TAX1BP1: variants seen among roughly 807,000 people sequenced by gnomAD.
TAX1BP1 encodes the protein Tax1 binding protein 1.
Under a neutral mutation model 97.7 loss-of-function variants are expected in TAX1BP1, and 62 were observed. The observed-to-expected ratio is 0.63, with a 90% CI of 0.52 to 0.78. TAX1BP1 has a LOEUF of 0.78. Among genes scored for constraint, TAX1BP1 ranks in the 30% least tolerant of loss-of-function variants. The pLI, the probability that TAX1BP1 is intolerant of heterozygous loss-of-function variation, is 0.00. For missense variants in TAX1BP1, 867 were observed against 916.1 expected (o/e 0.95, Z 0.69); for synonymous variants, 340 against 304.2 (o/e 1.12, Z -1.23).
At chr7:27,766,489 ATAAATT>A in intron 4 of TAX1BP1, among the ~76,000 whole-genome samples, 1 of 148,144 alleles carries the variant, frequency 6.8e-6, no homozygotes, top group Non-Finnish European at 1.5e-5. Flanking sequence ...AACTAAAATA[ATAAATT>A]TAGAGTGTCT....
intron 6 of TAX1BP1, 24 bp downstream of exon 6, chr7:27,785,335 T>C: frequency 6.3e-7 from 1 of 1,587,770 alleles, no homozygotes; most frequent in Non-Finnish European, 8.5e-7. Flanking sequence ...TTTTAAAAAA[T>C]AAATTCAATA....
chr7:27,828,812 G>C lies in TAX1BP1; in HGVS notation c.2353G>C (p.Val785Leu). 1 of 1,515,764 alleles carries C rather than the reference G, an allele frequency of 6.6e-7. No homozygotes were observed. The highest frequency in any genetic ancestry group is 8.9e-7 in the Non-Finnish European group (1 of 1,120,374). 93.9% of individuals were successfully genotyped at this position (1,515,764 alleles called of 1,614,324 possible). A position where few individuals can be genotyped will look rare whatever the true frequency, so the allele number is the denominator to read the frequency against. Residue 785 changes from valine to leucine, a missense_variant, in exon 17 of 17, where the codon GTT becomes CTT. This residue lies in a region of TAX1BP1 where 34 missense variants were observed against 33.2 expected (regional missense o/e 1.02). Coordinates refer to ENST00000396319, the MANE Select transcript of TAX1BP1 (RefSeq NM_006024.7). ...RHVQTHFDQN[V>L]LNFD ...TGTGCAGACCCATTTTGATCAGAATGTTCTAAATTTTGACTAGTTACTTTT... is the reference window on the plus strand; with the variant it reads ...TGTGCAGACCCATTTTGATCAGAATCTTCTAAATTTTGACTAGTTACTTTT...
In TAX1BP1 at chr7:27,787,562, G is replaced by C; in HGVS notation, c.997G>C (p.Glu333Gln). The C allele has an allele frequency of 6.2e-7, 1 of 1,612,422 alleles. No homozygotes were observed. The highest frequency in any genetic ancestry group is 8.5e-7 in the Non-Finnish European group (1 of 1,179,234). ...GRLQLCLAEKENLQRTFLLTT... is the reference protein window; with the variant it reads ...GRLQLCLAEKQNLQRTFLLTT... The stretch of plus-strand genomic sequence containing the variant: ...GCTGCAGTTATGTTTGGCTGAAAAG[G>C]AAAATCTGCAAAGAACTTTCCTGCT... Residue 333 changes from glutamate (E) to glutamine (Q), a missense_variant, in exon 8 of 17, where the codon GAA (glutamate) becomes CAA (glutamine). Around this residue, in one of 3 missense-constraint regions of TAX1BP1, gnomAD observed 822 missense variants for 851.4 expected, o/e 0.97. Coordinates refer to ENST00000396319, the MANE Select transcript of TAX1BP1 (RefSeq NM_006024.7).
At chr7:27,802,059 G>T (rs546801175) in intron 13 of TAX1BP1, among the ~76,000 whole-genome samples, 1 of 152,300 alleles carries the variant, frequency 6.6e-6, no homozygotes, top group Non-Finnish European at 1.5e-5. Flanking sequence ...TTGGAGTTCA[G>T]AAGTGGAGCG....
chr7:27,787,649 A>G (rs1271145278), intron 8 of TAX1BP1, 46 bp downstream of exon 8: 1 of 1,465,662 alleles, frequency 6.8e-7, no homozygotes, highest in Non-Finnish European at 9.2e-7. Flanking sequence ...AAACATACCT[A>G]TGAAATGTAT....
chr7:27,827,664 T>C, intron 15 of TAX1BP1, 74 bp from the exon 16 acceptor site: 1 of 1,199,588 alleles, frequency 8.3e-7, no homozygotes, highest in Non-Finnish European at 1.2e-6. Flanking sequence ...ACTGTCAGTA[T>C]GTGCTTGATT....
rs1373286454 is a variant in TAX1BP1 at position 27,817,046 on chromosome 7, G to T, written c.2085+8G>T. The T allele has an allele frequency of 6.2e-6, 10 of 1,602,184 alleles. No individual in the cohort carries two copies. Among genetic ancestry groups the T allele is most frequent in the Non-Finnish European group, 7.6e-6 (9 of 1,176,872 alleles). ...GACTCTGAGGATAGCAAAGTAAATT[G>T]AATTTTCATTGTGTGAGCCTGTCCC... On this transcript the variant is annotated splice_region_variant and intron_variant, in intron 15 of 16. Transcript: ENST00000396319.
intron 15 of TAX1BP1, among the ~76,000 whole-genome samples, chr7:27,821,859 A>G (rs1341451999): frequency 6.6e-6 from 1 of 152,106 alleles, no homozygotes; most frequent in Non-Finnish European, 1.5e-5. Context: ...AGCCCAGGAA[A>G]CCCTCAGTCC....
chr7:27,777,827 G>T (rs1018807409), intron 5 of TAX1BP1, among the ~76,000 whole-genome samples: 1 of 152,192 alleles, frequency 6.6e-6, no homozygotes, highest in Non-Finnish European at 1.5e-5. Flanking sequence ...GACCTCTGTT[G>T]TTTCTTTTCT....
chr7:27,791,877 CTG>C (rs1352780353), intron 8 of TAX1BP1, 127 bp from the exon 9 acceptor site: 14 of 775,680 alleles, frequency 1.8e-5, no homozygotes, highest in Non-Finnish European at 2.7e-5. Context: ...GGCATATACT[CTG>C]TAAGTCATGA....
At chr7:27,784,823 TA>T (rs1027182849) in intron 5 of TAX1BP1, among the ~76,000 whole-genome samples, 6 of 149,314 alleles carry the variant, frequency 4.0e-5, no homozygotes, top group South Asian at 2.1e-4. Context: ...CTGTCTCTAT[TA>T]AAAAAAAAAT....
intron 7 of TAX1BP1, among the ~76,000 whole-genome samples, 200 bp downstream of exon 7, chr7:27,785,689 A>G (rs1789453398): frequency 6.6e-6 from 1 of 152,122 alleles, no homozygotes; most frequent in Admixed American, 6.6e-5. Flanking sequence ...TGCTTTCAAG[A>G]TGGCTTACTC....
chr7:27,780,116 A>C (rs1789195745), intron 5 of TAX1BP1, among the ~76,000 whole-genome samples: 1 of 152,208 alleles, frequency 6.6e-6, no homozygotes, highest in Non-Finnish European at 1.5e-5. Context: ...ACAACACACA[A>C]CACCAATATA....
At chr7:27,752,715 A>G (rs1788064492) in intron 2 of TAX1BP1, among the ~76,000 whole-genome samples, 1 of 152,200 alleles carries the variant, frequency 6.6e-6, no homozygotes, top group South Asian at 2.1e-4. Context: ...TAAACATTTA[A>G]CATGTTGGGA....
At chr7:27,775,878 T>C (rs572304841) in intron 5 of TAX1BP1, among the ~76,000 whole-genome samples, 1 of 152,256 alleles carries the variant, frequency 6.6e-6, no homozygotes, top group East Asian at 1.9e-4. Flanking sequence ...CCTATTTTGT[T>C]CTTGCTTTTC....
intron 13 of TAX1BP1, 117 bp from the exon 14 acceptor site, chr7:27,816,232 C>A: frequency 1.2e-6 from 1 of 852,226 alleles, no homozygotes; most frequent in Non-Finnish European, 1.7e-6. Context: ...CAATTGCATT[C>A]CAACTTCATA....
chr7:27,828,161 C>G (rs1791256290), intron 16 of TAX1BP1, among the ~76,000 whole-genome samples: 1 of 152,108 alleles, frequency 6.6e-6, no homozygotes, highest in Admixed American at 6.5e-5. Flanking sequence ...GTTAAAAATA[C>G]AGTATTTTTG....
chr7:27,801,289 A>G (rs1020872965), intron 13 of TAX1BP1, among the ~76,000 whole-genome samples: 1 of 150,596 alleles, frequency 6.6e-6, no homozygotes, highest in Admixed American at 6.6e-5. Flanking sequence ...TGGTTTAAAT[A>G]TCATAGCTAA....
Position 27,826,158 on chromosome 7 carries a change from A to T in TAX1BP1, c.2086-1580A>T, listed in dbSNP as rs549921709. On this transcript the variant is annotated intron_variant, in intron 15 of 16. Transcript: ENST00000396319. ...CTACTTTCTCATCTTCCTTCTTTGT[A>T]TCTACAGACTTAAAAGCTGTCTGGA... 3.3e-5 allele frequency among the ~76,000 whole-genome samples: 5 copies of T among 152,302 alleles called. No individual in the cohort carries two copies. The South Asian group carries it at 1.0e-3, about 32-fold the overall frequency.
Sources: allele counts gnomAD v4.1 joint callset (sites outside exome capture counted in the v4.1 genomes callset), GRCh38; gene constraint gnomAD v4.1.1; regional missense constraint gnomAD v4.1.1; transcripts MANE v1.5; gene names NCBI Gene and HGNC (gene_info 2026-07-23, HGNC 2026-07-21).